PPP6C: variants seen among roughly 807,000 people sequenced by gnomAD.
PPP6C encodes the protein serine/threonine-protein phosphatase 6 catalytic subunit.
In PPP6C, 11 loss-of-function variants were observed where a neutral mutation model predicts 39.8. That is an observed-to-expected ratio of 0.28 (90% CI 0.17 to 0.46). PPP6C has a LOEUF of 0.46. Ranked by LOEUF, PPP6C falls within the 20% of genes least tolerant of loss-of-function variation. The probability of loss-of-function intolerance (pLI) is 1.00; values close to 1 mark genes in which losing one functional copy is unlikely to be tolerated. For missense variants in PPP6C, 211 were observed against 373.9 expected (o/e 0.56, Z 3.59); for synonymous variants, 129 against 130.3 (o/e 0.99, Z 0.07).
intron 2 of PPP6C, among the ~76,000 whole-genome samples, chr9:125,168,767 T>G (rs1829080191): frequency 6.6e-6 from 1 of 151,610 alleles, no homozygotes; most frequent in Admixed American, 6.6e-5. Flanking sequence ...TATTTTTTAT[T>G]TTTTATTTTT....
chr9:125,184,080 G>A (rs974861248), intron 1 of PPP6C, among the ~76,000 whole-genome samples: 3 of 152,200 alleles, frequency 2.0e-5, no homozygotes, highest in Non-Finnish European at 4.4e-5. Context: ...ATAGCAAGAC[G>A]CTATCCCTTA....
intron 3 of PPP6C, among the ~76,000 whole-genome samples, chr9:125,159,661 C>T (rs1234496495): frequency 6.6e-6 from 1 of 152,204 alleles, no homozygotes; most frequent in African/African-American, 2.4e-5. Context: ...ATACTATTTA[C>T]ACTTCCCATT....
chr9:125,153,391 A>G, intron 6 of PPP6C, 142 bp downstream of exon 6: 1 of 755,698 alleles, frequency 1.3e-6, no homozygotes, highest in Non-Finnish European at 2.1e-6. Context: ...ACATACGTTA[A>G]TAACTAAACT....
At chr9:125,167,636 G>A (rs1357023793) in intron 2 of PPP6C, among the ~76,000 whole-genome samples, 1 of 152,004 alleles carries the variant, frequency 6.6e-6, no homozygotes, top group African/African-American at 2.4e-5. Context: ...CTGGGAGGCA[G>A]AGGTTGCAGT....
At chr9:125,164,102 G>C (rs1278764531) in intron 2 of PPP6C, among the ~76,000 whole-genome samples, 1 of 151,416 alleles carries the variant, frequency 6.6e-6, no homozygotes, top group Non-Finnish European at 1.5e-5. Flanking sequence ...TTTCCCAAAT[G>C]CTAGGATTAC....
At chr9:125,153,410 A>G in intron 6 of PPP6C, 123 bp downstream of exon 6, 1 of 882,118 alleles carries the variant, frequency 1.1e-6, no homozygotes, top group Non-Finnish European at 1.7e-6. Context: ...CTAGAAATTT[A>G]ATATCCACAG....
intron 1 of PPP6C, among the ~76,000 whole-genome samples, chr9:125,189,108 A>T (rs906129316): frequency 3.9e-4 from 59 of 152,212 alleles, no homozygotes; most frequent in Non-Finnish European, 8.1e-4. Flanking sequence ...GGCAATGAAG[A>T]GGGACGACCT....
At chr9:125,152,831 C>CA (rs546157506) in intron 6 of PPP6C, among the ~76,000 whole-genome samples, 1,715 of 115,594 alleles carry the variant, frequency 0.015, 15 homozygotes, top group Middle Eastern at 0.051. Flanking sequence ...ACTCTTGTCT[C>CA]AAAAAAAAAA....
At chr9:125,167,563 C>G (rs577703216) in intron 2 of PPP6C, among the ~76,000 whole-genome samples, 2 of 151,308 alleles carry the variant, frequency 1.3e-5, no homozygotes, top group Non-Finnish European at 2.9e-5. Context: ...GTTAGTCAGG[C>G]GTGGTGGCAC....
chr9:125,164,218 C>CTTTTTTTT (rs10684647), intron 2 of PPP6C, among the ~76,000 whole-genome samples: 2 of 74,752 alleles, frequency 2.7e-5, no homozygotes, highest in South Asian at 5.0e-4. Flanking sequence ...CCCTCACTCT[C>CTTTTTTTT]TTTTTTTTTT....
intron 6 of PPP6C, among the ~76,000 whole-genome samples, chr9:125,150,258 T>C (rs2131294363): frequency 6.6e-6 from 1 of 152,356 alleles, no homozygotes; most frequent in South Asian, 2.1e-4. Flanking sequence ...GTTTAGTATA[T>C]GTAGATGTTG....
chr9:125,188,511 C>A (rs916060237), intron 1 of PPP6C, among the ~76,000 whole-genome samples: 1 of 152,052 alleles, frequency 6.6e-6, no homozygotes, highest in East Asian at 1.9e-4. Flanking sequence ...CCTAGGCCGG[C>A]GCGGTGGCTC....
intron 2 of PPP6C, among the ~76,000 whole-genome samples, chr9:125,167,130 C>A (rs1198165727): frequency 2.0e-5 from 3 of 151,904 alleles, no homozygotes; most frequent in Non-Finnish European, 4.4e-5. Flanking sequence ...CCTGTAGTCC[C>A]AGCACTCTGG....
chr9:125,162,287 A>G (rs538722145), intron 2 of PPP6C, among the ~76,000 whole-genome samples: 12 of 151,498 alleles, frequency 7.9e-5, no homozygotes, highest in African/African-American at 2.7e-4. Flanking sequence ...GTGAAACCCC[A>G]TCTCTACTAA....
At chr9:125,183,051 A>G (rs569384997) in intron 1 of PPP6C, among the ~76,000 whole-genome samples, 2 of 152,238 alleles carry the variant, frequency 1.3e-5, no homozygotes, top group Admixed American at 6.6e-5. Context: ...AACTTCCCGT[A>G]TTCCTTAATC....
intron 1 of PPP6C, chr9:125,171,810 TC>T (rs1434059145): frequency 8.2e-5 from 37 of 448,584 alleles, no homozygotes; most frequent in Admixed American, 4.8e-4. Flanking sequence ...CACCTCAGCC[TC>T]CCAAAGTGCT....
At chr9:125,165,329 G>A (rs1005956920) in intron 2 of PPP6C, among the ~76,000 whole-genome samples, 1 of 152,000 alleles carries the variant, frequency 6.6e-6, no homozygotes, top group African/African-American at 2.4e-5. Context: ...AACCCGGGAG[G>A]CAGAGGTTGC....
At chr9:125,174,022 C>T (rs1022644463) in intron 1 of PPP6C, among the ~76,000 whole-genome samples, 4 of 152,180 alleles carry the variant, frequency 2.6e-5, no homozygotes, top group Non-Finnish European at 5.9e-5. Context: ...ATGATTCTCA[C>T]ACCAACGTTC....
rs117859968 is a variant in PPP6C at position 125,147,010 on chromosome 9, C to G, written c.*2663G>C. ...CCAAAGCAAAACCTAGGGCTTAAGA[C>G]GTCAAAATCTTCCAACAGTTCTAGA... On this transcript the variant is annotated 3_prime_UTR_variant, in exon 7 of 7. Coordinates refer to ENST00000373547, the MANE Select transcript of PPP6C (RefSeq NM_002721.5). 1 of 152,122 alleles carries G rather than the reference C, an allele frequency of 6.6e-6. No individual in the cohort carries two copies. Among genetic ancestry groups the G allele is most frequent in the Non-Finnish European group, 1.5e-5 (1 of 68,020 alleles). 9.4% of individuals were successfully genotyped at this position (152,122 alleles called of 1,614,324 possible). A position where few individuals can be genotyped will look rare whatever the true frequency, so the allele number is the denominator to read the frequency against.
Sources: allele counts gnomAD v4.1 joint callset (sites outside exome capture counted in the v4.1 genomes callset), GRCh38; gene constraint gnomAD v4.1.1; transcripts MANE v1.5; gene names NCBI Gene and HGNC (gene_info 2026-07-23, HGNC 2026-07-21).